The following GPBP1 variants were observed in gnomAD, a reference collection of about 807,000 sequenced individuals.
GPBP1 encodes vasculin.
A neutral mutation model predicts 56.5 loss-of-function variants in GPBP1; 13 were observed. The ratio of observed to expected loss-of-function variants is 0.23; its 90% CI spans 0.15 to 0.37. GPBP1 has a LOEUF of 0.37. Among genes scored for constraint, GPBP1 ranks in the 10% least tolerant of loss-of-function variants. The pLI, the probability that GPBP1 is intolerant of heterozygous loss-of-function variation, is 1.00. For missense variants in GPBP1, 477 were observed against 572.3 expected, an observed-to-expected ratio of 0.83 and a Z score of 1.70; for synonymous variants, 204 against 188.9, an observed-to-expected ratio of 1.08 and a Z score of -0.66.
chr5:57,196,823 C>T (rs914527233), intron 2 of GPBP1, among the ~76,000 whole-genome samples: 2 of 152,010 alleles, frequency 1.3e-5, no homozygotes, highest in African/African-American at 4.8e-5. Context: ...GCTGTGTTGC[C>T]CAGGCTGGAG....
At chr5:57,221,134 A>G (rs1255867702) in intron 3 of GPBP1, among the ~76,000 whole-genome samples, 1 of 152,174 alleles carries the variant, frequency 6.6e-6, no homozygotes, top group African/African-American at 2.4e-5. Context: ...TAGCCCCATC[A>G]TGTGGTAAAA....
At chr5:57,178,565 C>G (rs184550404) in intron 2 of GPBP1, among the ~76,000 whole-genome samples, 1 of 152,190 alleles carries the variant, frequency 6.6e-6, no homozygotes, top group South Asian at 2.1e-4. Flanking sequence ...TCTAAATTGC[C>G]ATTACTGATA....
chr5:57,256,909 C>T (rs1399126630), intron 10 of GPBP1, among the ~76,000 whole-genome samples: 1 of 152,082 alleles, frequency 6.6e-6, no homozygotes, highest in African/African-American at 2.4e-5. Context: ...TTTTCCCTGT[C>T]AAAATGGAAT....
At chr5:57,196,305 C>CA (rs1491349013) in intron 2 of GPBP1, among the ~76,000 whole-genome samples, 5 of 148,888 alleles carry the variant, frequency 3.4e-5, no homozygotes, top group African/African-American at 1.2e-4. Context: ...TGCCTGGCCT[C>CA]AGAGTCAAGA....
chr5:57,236,449 G>A (rs933527121), intron 6 of GPBP1, among the ~76,000 whole-genome samples: 72 of 151,496 alleles, frequency 4.8e-4, no homozygotes, highest in African/African-American at 1.6e-3. Flanking sequence ...ACCTATGAAA[G>A]TGGTTACGTA....
intron 2 of GPBP1, among the ~76,000 whole-genome samples, chr5:57,213,285 A>C (rs1755568980): frequency 6.6e-6 from 1 of 152,074 alleles, no homozygotes; most frequent in Admixed American, 6.6e-5. Context: ...TCCTGACTTC[A>C]GGTGATCTGC....
At position 57,235,990 on chromosome 5, in the gene GPBP1, A is replaced by G; in HGVS notation, c.436A>G (p.Arg146Gly). The G allele has an allele frequency of 6.2e-7, 1 of 1,612,000 alleles. No homozygotes were observed. Among genetic ancestry groups the G allele is most frequent in the African/African-American group, 1.3e-5 (1 of 75,000 alleles). ...DFPSLNPEYE[R>G]EPNHNKSLAA... ...GCCGTCTTTAAATCCTGAGTATGAG[A>G]GAGAACCAAATCACAATAAGTCTTT... Residue 146 changes from arginine (R) to glycine (G), a missense_variant, in exon 6 of 12, where the codon AGA becomes GGA. Around this residue, in one of 2 missense-constraint regions of GPBP1, gnomAD observed 414 missense variants for 458.2 expected, o/e 0.90. Coordinates refer to ENST00000506184, the MANE Select transcript of GPBP1 (RefSeq NM_022913.4).
chr5:57,249,056 A>C (rs1261036820), intron 8 of GPBP1: 1 of 164,046 alleles, frequency 6.1e-6, no homozygotes, highest in Non-Finnish European at 1.3e-5. Context: ...ATTTTATTGG[A>C]GCTGTTACTG....
rs142069187 is a variant in GPBP1 at position 57,246,467 on chromosome 5, G to A, written c.646G>A (p.Ala216Thr). 3 of 1,594,650 alleles carry A rather than the reference G, an allele frequency of 1.9e-6. No homozygotes were observed. The highest frequency in any genetic ancestry group is 4.5e-5 in the East Asian group (2 of 44,716). Residue 216 changes from alanine (A) to threonine (T), a missense_variant, in exon 7 of 12, where the codon GCT becomes ACT. Physicochemically the swap from Ala to Thr is moderately conservative, Grantham distance 58 (BLOSUM62 0). Transcript: ENST00000506184. ...TTATAAAGGTTTAGTCCCTAAACCT[G>A]CTGCTCCACCTACAAAAGTAAGTTC... ...SVYKGLVPKP[A>T]APPTKPTQWK...
intron 1 of GPBP1, 89 bp from the exon 2 acceptor site, chr5:57,175,359 T>C: frequency 2.5e-6 from 1 of 392,918 alleles, no homozygotes; most frequent in Non-Finnish European, 4.5e-6. Context: ...AGTGATTTTC[T>C]CTCCAGAGGT....
rs1199453013 is a variant in GPBP1, at chr5:57,235,978, C to T, written c.424C>T (p.Pro142Ser). Residue 142 changes from proline (P) to serine (S), a missense_variant, in exon 6 of 12, where the codon CCT becomes TCT. Coordinates refer to ENST00000506184, the MANE Select transcript of GPBP1 (RefSeq NM_022913.4). ...AACTTTCTTCCAGCCGTCTTTAAAT[C>T]CTGAGTATGAGAGAGAACCAAATCA... ...FEAEDFPSLNPEYEREPNHNK... is the reference protein window; with the variant it reads ...FEAEDFPSLNSEYEREPNHNK... 6.2e-7 allele frequency: 1 copy of T among 1,609,878 alleles called. No homozygotes were observed. Among genetic ancestry groups the T allele is most frequent in the Middle Eastern group, 1.7e-4 (1 of 6,050 alleles).
chr5:57,246,122 A>G, intron 6 of GPBP1, 178 bp from the exon 7 acceptor site: 1 of 490,718 alleles, frequency 2.0e-6, no homozygotes, highest in Non-Finnish European at 3.6e-6. Flanking sequence ...ATAATGTTTT[A>G]GCTTTACTTG....
At chr5:57,258,346 A>T (rs190259899) in intron 10 of GPBP1, among the ~76,000 whole-genome samples, 1 of 152,138 alleles carries the variant, frequency 6.6e-6, no homozygotes, top group African/African-American at 2.4e-5. Flanking sequence ...TACTTACACA[A>T]ACTAGATAGT....
intron 3 of GPBP1, among the ~76,000 whole-genome samples, chr5:57,217,525 T>G (rs1289414069): frequency 6.6e-6 from 1 of 150,978 alleles, no homozygotes; most frequent in Non-Finnish European, 1.5e-5. Flanking sequence ...GAGCCGAGAT[T>G]GTGCCATTGC....
intron 2 of GPBP1, among the ~76,000 whole-genome samples, chr5:57,206,129 C>G (rs1450271560): frequency 6.6e-6 from 1 of 152,094 alleles, no homozygotes; most frequent in African/African-American, 2.4e-5. Flanking sequence ...TTTATATATT[C>G]TGGATACTAG....
chr5:57,207,945 G>A (rs1298746342), intron 2 of GPBP1, among the ~76,000 whole-genome samples: 2 of 152,006 alleles, frequency 1.3e-5, no homozygotes, highest in South Asian at 2.1e-4. Context: ...TCTCGATGAC[G>A]TCCAGCCACT....
intron 2 of GPBP1, among the ~76,000 whole-genome samples, chr5:57,189,366 A>G (rs1754423390): frequency 6.6e-6 from 1 of 152,178 alleles, no homozygotes. Flanking sequence ...TGATCTGCCC[A>G]CCTAGGCCTC....
intron 6 of GPBP1, among the ~76,000 whole-genome samples, chr5:57,241,789 A>G (rs947080186): frequency 3.3e-5 from 5 of 152,236 alleles, no homozygotes; most frequent in African/African-American, 7.2e-5. Context: ...TCATCAATAT[A>G]TAAGTTTTCT....
At chr5:57,201,526 AT>A in intron 2 of GPBP1, among the ~76,000 whole-genome samples, 1 of 152,238 alleles carries the variant, frequency 6.6e-6, no homozygotes, top group Non-Finnish European at 1.5e-5. Flanking sequence ...ATGTAGCCTT[AT>A]TTTTGTCCAT....
Sources: gnomAD v4.1 joint callset for allele counts (sites outside exome capture counted in the v4.1 genomes callset) on GRCh38, gnomAD v4.1.1 for gene constraint, gnomAD v4.1.1 regional missense constraint, MANE v1.5 for transcripts, NCBI Gene and HGNC (gene_info 2026-07-23, HGNC 2026-07-21) for gene names.